TMEM255B: variants seen among roughly 807,000 people sequenced by gnomAD.
TMEM255B encodes family with sequence similarity 70, member B.
A neutral mutation model predicts 34.5 loss-of-function variants in TMEM255B; 35 were observed. That is an observed-to-expected ratio of 1.01 (90% CI 0.77 to 1.34). The LOEUF (loss-of-function observed/expected upper bound fraction) is 1.34, where lower values mean the gene tolerates loss of function less well. Ranked by LOEUF, TMEM255B falls within the 40% of genes most tolerant of loss-of-function variation. TMEM255B has a pLI of 0.00. For missense variants in TMEM255B, 432 were observed against 433.2 expected (o/e 1.00, Z 0.02); for synonymous variants, 206 against 201.2 (o/e 1.02, Z -0.20).
At chr13:113,797,065 G>A (rs957645880) in intron 4 of TMEM255B, among the ~76,000 whole-genome samples, 1 of 152,210 alleles carries the variant, frequency 6.6e-6, no homozygotes, top group Non-Finnish European at 1.5e-5. Context: ...TGCTCCAGGC[G>A]CCCGTGGCCG....
chr13:113,770,829 G>C lies in TMEM255B; in HGVS notation c.252+1669G>C, dbSNP rs1263827599. 6.6e-6 allele frequency among the ~76,000 whole-genome samples: 1 copy of C among 152,152 alleles called. No homozygotes were observed. Among genetic ancestry groups the C allele is most frequent in the Non-Finnish European group, 1.5e-5 (1 of 68,034 alleles). On this transcript the variant is annotated intron_variant, in intron 3 of 8. Transcript: ENST00000375353. This position sits in a 1 kb window ranked among gnomAD's most constrained non-coding sequence, Gnocchi z 4.6. ...CAGCATCTCTTCAGAGTCTGGAGCT[G>C]CTTGGTGCCTGTAGGGAGTTGGGTG...
At chr13:113,780,443 G>T (rs1217605970) in intron 3 of TMEM255B, among the ~76,000 whole-genome samples, 1 of 152,188 alleles carries the variant, frequency 6.6e-6, no homozygotes, top group East Asian at 1.9e-4. Flanking sequence ...GAACAAATAA[G>T]CTCCAAATTT....
rs768546846 is a variant in TMEM255B, at chr13:113,804,993, G to A, written c.778G>A (p.Val260Ile). Residue 260 changes from valine (V) to isoleucine (I), a missense_variant, in exon 8 of 9, where the codon GTC becomes ATC. Transcript: ENST00000375353. ...AGGCTTCCGCCTGACGCCCGAGCCC[G>A]TCCCGACCTGCTCGTCCTACCCTCT... is the stretch of plus-strand genomic sequence containing the variant. ...YAGFRLTPEP[V>I]PTCSSYPLPL... 3.6e-5 allele frequency: 58 copies of A among 1,605,566 alleles called. No individual in the cohort carries two copies. Among genetic ancestry groups the A allele is most frequent in the African/African-American group, 5.3e-5 (4 of 74,902 alleles).
intron 1 of TMEM255B, among the ~76,000 whole-genome samples, chr13:113,763,845 A>G: frequency 6.6e-6 from 1 of 152,178 alleles, no homozygotes; most frequent in East Asian, 1.9e-4. Flanking sequence ...GTTGGCTTTT[A>G]GTTCAGAAAT....
At position 113,812,115 on chromosome 13, in the gene TMEM255B, C is replaced by T; in HGVS notation, c.*212C>T. The T allele has an allele frequency of 1.6e-6, 1 of 619,914 alleles. No homozygotes were observed. The highest frequency in any genetic ancestry group is 2.7e-6 in the Non-Finnish European group (1 of 365,092). The allele number at this position is 619,914 out of a possible 1,614,324, so 38.4% of individuals were successfully genotyped here. ...CAGACCCAGGCTGGTGACACCTTGG[C>T]TTGGGCTCTGCTCACATCAAATGGC... On this transcript the variant is annotated 3_prime_UTR_variant, in exon 9 of 9. Transcript: ENST00000375353.
intron 3 of TMEM255B, among the ~76,000 whole-genome samples, chr13:113,791,753 A>C (rs1242635130): frequency 6.6e-6 from 1 of 152,230 alleles, no homozygotes; most frequent in African/African-American, 2.4e-5. Flanking sequence ...CTTCATCTTT[A>C]AGTCTTTTTT....
intron 3 of TMEM255B, among the ~76,000 whole-genome samples, chr13:113,793,521 G>A (rs969073543): frequency 6.6e-6 from 1 of 152,200 alleles, no homozygotes; most frequent in African/African-American, 2.4e-5. Context: ...TGTGACTCAC[G>A]CAGGGACCGT....
chr13:113,778,637 C>T (rs1464219506), intron 3 of TMEM255B, among the ~76,000 whole-genome samples: 3 of 149,554 alleles, frequency 2.0e-5, no homozygotes, highest in Admixed American at 6.6e-5. Flanking sequence ...AATGATATGA[C>T]GATGATCACC....
At chr13:113,797,086 G>A (rs982725279) in intron 4 of TMEM255B, among the ~76,000 whole-genome samples, 4 of 152,208 alleles carry the variant, frequency 2.6e-5, no homozygotes, top group African/African-American at 7.2e-5. Context: ...TGGCCCCGCC[G>A]AGGAGCAGGG....
rs764608617 is a variant in TMEM255B, at chr13:113,766,101, C to T, written c.47-14C>T. 3 of 1,613,904 alleles carry T rather than the reference C, an allele frequency of 1.9e-6. No individual in the cohort carries two copies. The highest frequency in any genetic ancestry group is 2.5e-6 in the Non-Finnish European group (3 of 1,179,998). The stretch of plus-strand genomic sequence containing the variant: ...TGAGCCCTCACTGACAGGTCCTCGC[C>T]TTCCTCCCCACAGAAGGGCTTTCGA... On this transcript the variant is annotated splice_polypyrimidine_tract_variant and intron_variant, in intron 1 of 8. Transcript: ENST00000375353.
intron 3 of TMEM255B, among the ~76,000 whole-genome samples, chr13:113,790,131 T>C (rs147159073): frequency 0.4 from 37,930 of 95,098 alleles, 9,226 homozygotes; most frequent in East Asian, 0.73. Flanking sequence ...GACATCCTAG[T>C]GCTGGACTGA....
At chr13:113,798,711 A>C (rs1277298659) in intron 4 of TMEM255B, among the ~76,000 whole-genome samples, 3 of 147,030 alleles carry the variant, frequency 2.0e-5, no homozygotes, top group African/African-American at 2.6e-5. Context: ...GGATGGATAC[A>C]TGGATGGATG....
At chr13:113,795,068 A>G in intron 3 of TMEM255B, 80 bp from the exon 4 acceptor site, 15 of 1,332,748 alleles carry the variant, frequency 1.1e-5, no homozygotes, top group Non-Finnish European at 1.5e-5. Context: ...CCCGACCTCG[A>G]GCTGGGACTT....
intron 1 of TMEM255B, chr13:113,761,342 T>C: frequency 1.0e-6 from 1 of 985,314 alleles, no homozygotes; most frequent in Non-Finnish European, 1.2e-6. Context: ...CTCGCGTGTC[T>C]TCCAGGTAGG....
intron 2 of TMEM255B, chr13:113,766,616 G>A: frequency 5.7e-6 from 2 of 347,966 alleles, no homozygotes; most frequent in Non-Finnish European, 1.1e-5. Flanking sequence ...GGGGCCAGGA[G>A]CCCAGGATGT....
chr13:113,804,599 G>A (rs1397287900), intron 7 of TMEM255B, among the ~76,000 whole-genome samples: 3 of 151,160 alleles, frequency 2.0e-5, no homozygotes, highest in Non-Finnish European at 4.4e-5. Flanking sequence ...GGGTATAAAC[G>A]CACGCCGGGC....
At chr13:113,783,442 G>C (rs2050695168) in intron 3 of TMEM255B, among the ~76,000 whole-genome samples, 1 of 152,156 alleles carries the variant, frequency 6.6e-6, no homozygotes, top group Non-Finnish European at 1.5e-5. Flanking sequence ...TCAGGAGTGA[G>C]GGTGGAGTTA....
intron 3 of TMEM255B, among the ~76,000 whole-genome samples, chr13:113,778,216 G>A (rs1309279385): frequency 6.6e-6 from 1 of 152,222 alleles, no homozygotes; most frequent in Non-Finnish European, 1.5e-5. Context: ...ACGTGATTTT[G>A]GACAGGGGTG....
intron 3 of TMEM255B, among the ~76,000 whole-genome samples, chr13:113,780,530 C>T (rs1021330851): frequency 1.3e-5 from 2 of 152,168 alleles, no homozygotes; most frequent in Non-Finnish European, 2.9e-5. Flanking sequence ...AAAAGCAAAA[C>T]AAAGGATTAG....
Sources: allele counts gnomAD v4.1 joint callset (sites outside exome capture counted in the v4.1 genomes callset), GRCh38; gene constraint gnomAD v4.1.1; non-coding constraint Gnocchi (gnomAD v3.1); transcripts MANE v1.5; gene names NCBI Gene and HGNC (gene_info 2026-07-23, HGNC 2026-07-21).